The following PCDHA11 variants were observed in gnomAD, a reference collection of about 807,000 sequenced individuals.
PCDHA11 encodes the protein protocadherin alpha 11.
A neutral mutation model predicts 70.3 loss-of-function variants in PCDHA11; 61 were observed. The ratio of observed to expected loss-of-function variants is 0.87; its 90% CI spans 0.71 to 1.07. PCDHA11 has a LOEUF of 1.07. PCDHA11 is among the 50% of genes least tolerant of loss of function. The pLI is 0.00. For synonymous variants in PCDHA11, 633 were observed against 555.1 expected (o/e 1.14, Z -1.97); for missense variants, 1,324 against 1,237.5 (o/e 1.07, Z -1.05).
At chr5:140,969,337 AC>A in intron 1 of PCDHA11, 1 of 1,613,970 alleles carries the variant, frequency 6.2e-7, no homozygotes, top group East Asian at 2.2e-5. Flanking sequence ...ATGAGGTGAG[AC>A]AGTGGTCAGG....
In PCDHA11 at chr5:140,869,344, A is replaced by G. The variant is rs540952410; in HGVS notation, c.241A>G (p.Asn81Asp). 6.2e-7 allele frequency: 1 copy of G among 1,613,990 alleles called. No individual in the cohort carries two copies. Among genetic ancestry groups the G allele is most frequent in the African/African-American group, 1.3e-5 (1 of 75,038 alleles). ...GGACCTTCTGGAGGTAAATCTGCAG[A>G]ATGGCATTTTGTTTGTGAATTCTCG... ...HGDLLEVNLQ[N>D]GILFVNSRID... Residue 81 changes from asparagine (N) to aspartate (D), a missense_variant, in exon 1 of 4, where the codon AAT (asparagine) becomes GAT (aspartate). Coordinates refer to ENST00000398640, the MANE Select transcript of PCDHA11 (RefSeq NM_018902.5).
chr5:140,953,270 T>A (rs1362290837), intron 1 of PCDHA11, among the ~76,000 whole-genome samples: 6 of 152,152 alleles, frequency 3.9e-5, no homozygotes, highest in Non-Finnish European at 5.9e-5. Flanking sequence ...GCTTTAGCCT[T>A]TGCTCTTTAT....
intron 1 of PCDHA11, among the ~76,000 whole-genome samples, chr5:140,956,546 G>A (rs1330264002): frequency 1.3e-5 from 2 of 152,158 alleles, no homozygotes; most frequent in Non-Finnish European, 2.9e-5. Flanking sequence ...GCTGGATTTG[G>A]TTTGCCAGTA....
At chr5:140,875,922 T>A (rs1554168077) in intron 1 of PCDHA11, 1 of 1,614,200 alleles carries the variant, frequency 6.2e-7, no homozygotes, top group Admixed American at 1.7e-5. Flanking sequence ...CTCTGGACTC[T>A]CATTTTCCTC....
Position 140,883,458 on chromosome 5 carries a change from T to G in PCDHA11, c.2391+11964T>G, listed in dbSNP as rs1315500498. ...TTGACGCCGCATGTCCCCTTCAAGC[T>G]GGTGTCCACCTACAAGAACTACTAC... On this transcript the variant is annotated intron_variant, in intron 1 of 3. Coordinates refer to ENST00000398640, the MANE Select transcript of PCDHA11 (RefSeq NM_018902.5). 13 of 1,614,058 alleles carry G rather than the reference T, an allele frequency of 8.1e-6. No individual in the cohort carries two copies. Among genetic ancestry groups the G allele is most frequent in the Non-Finnish European group, 1.1e-5 (13 of 1,180,042 alleles).
At chr5:140,941,412 G>A (rs246068) in intron 1 of PCDHA11, among the ~76,000 whole-genome samples, 46,949 of 148,492 alleles carry the variant, frequency 0.32, 7,794 homozygotes, top group East Asian at 0.53. Context: ...CGCCTCCCGG[G>A]TTCAAGCAAT....
At chr5:140,933,833 A>C (rs944428844) in intron 1 of PCDHA11, among the ~76,000 whole-genome samples, 1 of 151,928 alleles carries the variant, frequency 6.6e-6, no homozygotes, top group Non-Finnish European at 1.5e-5. Flanking sequence ...TATTGCTCCT[A>C]TTTCATTCCT....
chr5:140,985,357 C>T (rs577732404), intron 3 of PCDHA11, among the ~76,000 whole-genome samples: 1 of 152,298 alleles, frequency 6.6e-6, no homozygotes, highest in East Asian at 1.9e-4. Flanking sequence ...TATAGACCCT[C>T]TGAGGTTATC....
intron 1 of PCDHA11, chr5:140,882,225 C>A (rs782533520): frequency 1.5e-5 from 23 of 1,559,462 alleles, no homozygotes; most frequent in Non-Finnish European, 1.8e-5. Flanking sequence ...TGAGGTAAGG[C>A]GTTGTATATA....
intron 1 of PCDHA11, chr5:140,876,308 A>G: frequency 6.2e-7 from 1 of 1,614,070 alleles, no homozygotes; most frequent in Non-Finnish European, 8.5e-7. Flanking sequence ...GAAATTTCCT[A>G]TGGGATCAAA....
intron 1 of PCDHA11, among the ~76,000 whole-genome samples, chr5:140,913,425 G>A (rs919355007): frequency 1.1e-4 from 16 of 152,094 alleles, no homozygotes; most frequent in African/African-American, 1.2e-4. Context: ...AGTATCAGTT[G>A]TAATGCCTCC....
At chr5:140,985,684 C>T (rs2097164164) in intron 3 of PCDHA11, among the ~76,000 whole-genome samples, 1 of 151,578 alleles carries the variant, frequency 6.6e-6, no homozygotes, top group Non-Finnish European at 1.5e-5. Flanking sequence ...CTGCCTTACG[C>T]TAATCCTCGT....
Position 140,977,158 on chromosome 5 carries a change from A to G in PCDHA11, c.2392-1791A>G, listed in dbSNP as rs6862693. Among the ~76,000 whole-genome samples, 983 of 152,340 alleles carry G rather than the reference A, an allele frequency of 6.5e-3. 6 individuals carry two copies. The highest frequency in any genetic ancestry group is 0.023 in the African/African-American group (951 of 41,586). ...CAGTCCTGCTGGAACTGTGCCTTTC[A>G]GCAAAATGAGTTTGATGATTTCATT... On this transcript the variant is annotated intron_variant, in intron 1 of 3. Transcript: ENST00000398640.
chr5:140,883,740 C>G (rs2059789153), intron 1 of PCDHA11: 1 of 1,613,368 alleles, frequency 6.2e-7, no homozygotes, highest in Non-Finnish European at 8.5e-7. Context: ...GCGCTGGTCT[C>G]CTACTCGCTG....
chr5:140,975,207 G>A (rs2096658071), intron 1 of PCDHA11, among the ~76,000 whole-genome samples: 1 of 152,180 alleles, frequency 6.6e-6, no homozygotes. Flanking sequence ...CTTCATGGCT[G>A]GCACTGGAGA....
chr5:140,913,284 G>A (rs1201275371), intron 1 of PCDHA11, among the ~76,000 whole-genome samples: 1 of 152,026 alleles, frequency 6.6e-6, no homozygotes, highest in Non-Finnish European at 1.5e-5. Context: ...GTCTGTTTAG[G>A]TTTTAATTTC....
chr5:140,875,363 A>G, intron 1 of PCDHA11: 1 of 1,449,052 alleles, frequency 6.9e-7, no homozygotes, highest in Non-Finnish European at 9.1e-7. Flanking sequence ...GATGCTGGAA[A>G]AAATTTACTA....
rs551606343 is a variant in PCDHA11 at position 140,977,430 on chromosome 5, G to A, written c.2392-1519G>A. Among the ~76,000 whole-genome samples, 14 of 152,252 alleles carry A rather than the reference G, an allele frequency of 9.2e-5. No homozygotes were observed. The South Asian group carries it at 2.5e-3, about 27-fold the overall frequency. The stretch of plus-strand genomic sequence containing the variant: ...ATTTTCTTTTGTTCCCTCTAACACC[G>A]CTAGTAGATAATGGAAACTCCTTTG... On this transcript the variant is annotated intron_variant, in intron 1 of 3. Coordinates refer to ENST00000398640, the MANE Select transcript of PCDHA11 (RefSeq NM_018902.5).
rs34213614 is a variant in PCDHA11 at position 140,896,536 on chromosome 5, C to CTT, written c.2391+25053_2391+25054dup. ...CACACCACAAAGCCCAGCTATTTTT[C>CTT]TTTTTTTTTTTTGTATTTTAAGTAG... On this transcript the variant is annotated intron_variant, in intron 1 of 3. Coordinates refer to ENST00000398640, the MANE Select transcript of PCDHA11 (RefSeq NM_018902.5). 2.9e-3 allele frequency among the ~76,000 whole-genome samples: 427 copies of CTT among 145,644 alleles called. 4 individuals are homozygous for CTT. Among genetic ancestry groups the CTT allele is most frequent in the African/African-American group, 7.7e-3 (305 of 39,602 alleles).
Sources: allele counts gnomAD v4.1 joint callset (sites outside exome capture counted in the v4.1 genomes callset), GRCh38; gene constraint gnomAD v4.1.1; transcripts MANE v1.5; gene names NCBI Gene and HGNC (gene_info 2026-07-23, HGNC 2026-07-21).